Variants in GNPDA1 observed in about 807,000 individuals in gnomAD.
The protein encoded by GNPDA1 is glucosamine-6-phosphate deaminase 1, also known as GNPDA 1.
A neutral mutation model predicts 28.5 loss-of-function variants in GNPDA1; 24 were observed. The ratio of observed to expected loss-of-function variants is 0.84; its 90% CI spans 0.61 to 1.19. GNPDA1 has a LOEUF of 1.19. Ranked by LOEUF, GNPDA1 falls within the 50% of genes most tolerant of loss-of-function variation. The pLI is 0.00. For synonymous variants in GNPDA1, 147 were observed against 139.3 expected (o/e 1.06, Z -0.39); for missense variants, 264 against 367.3 (o/e 0.72, Z 2.30).
chr5:142,003,323 T>G lies in GNPDA1; in HGVS notation c.595-61A>C. 1 of 1,129,784 alleles carries G rather than the reference T, an allele frequency of 8.9e-7. No homozygotes were observed. Among genetic ancestry groups the G allele is most frequent in the Non-Finnish European group, 1.3e-6 (1 of 770,290 alleles). 70.0% of individuals were successfully genotyped at this position (1,129,784 alleles called of 1,614,324 possible). On this transcript the variant is annotated intron_variant, in intron 5 of 6. Transcript: ENST00000311337. The surrounding 1 kb of genome is among the most constrained non-coding windows in gnomAD (Gnocchi z 4.0). ...GCATTCCAGACACCCTAAACAGTTGTAAGGATGATTGTTTTTCATATCACA... is the reference window on the plus strand; with the variant it reads ...GCATTCCAGACACCCTAAACAGTTGGAAGGATGATTGTTTTTCATATCACA...
rs1236573690 is a variant in GNPDA1 at position 142,001,007 on chromosome 5, A to C, written c.*1022T>G. ...GGGTTGTATTTCCTGATGCTCTCAG[A>C]ACATCAGACCACACCATGTGAATTT... On this transcript the variant is annotated 3_prime_UTR_variant, in exon 7 of 7. Transcript: ENST00000311337. The C allele has an allele frequency of 6.6e-6, 1 of 152,420 alleles. No homozygotes were observed. Among genetic ancestry groups the C allele is most frequent in the African/African-American group, 2.4e-5 (1 of 41,450 alleles). 9.4% of individuals were successfully genotyped at this position (152,420 alleles called of 1,614,324 possible).
Position 142,011,853 on chromosome 5 carries a change from C to A in GNPDA1, c.124+59G>T, listed in dbSNP as rs186456180. 2.4e-5 allele frequency: 38 copies of A among 1,595,094 alleles called. No homozygotes were observed. The East Asian group carries it at 8.3e-4, about 35-fold the overall frequency. ...TGGCTGAGTGAGCCGGTGTACCTGG[C>A]CCCTGTTGCCTACTCTCTCCACCCT... On this transcript the variant is annotated intron_variant, in intron 2 of 6. Transcript: ENST00000311337.
rs1237324700 is a variant in GNPDA1 at position 142,006,157 on chromosome 5, C to T, written c.396G>A (p.Glu132=). 1 of 1,612,996 alleles carries T rather than the reference C, an allele frequency of 6.2e-7. No individual in the cohort carries two copies. Among genetic ancestry groups the T allele is most frequent in the Admixed American group, 1.7e-5 (1 of 59,978 alleles). Reference sequence around the variant, plus strand: ...TGTCAAGCTCACCTCCAACAAATAGCTCGATCCCACCTGCAGCCTTGATCT... The same window carrying T: ...TGTCAAGCTCACCTCCAACAAATAGTTCGATCCCACCTGCAGCCTTGATCT... ...EEKIKAAGGI[E]LFVGGIGPDG... The change falls in exon 4 of 7, where the codon GAG becomes GAA. Residue 132 remains glutamate, a synonymous_variant. Transcript: ENST00000311337.
chr5:142,006,404 G>C (rs920212481), intron 3 of GNPDA1, 78 bp from the exon 4 acceptor site: 1 of 1,102,490 alleles, frequency 9.1e-7, no homozygotes, highest in African/African-American at 1.5e-5. Flanking sequence ...AGGACACCAT[G>C]CTGACCTACA....
chr5:142,003,139 C>A lies in GNPDA1; in HGVS notation c.718G>T (p.Asp240Tyr). Residue 240 changes from aspartate (D) to tyrosine (Y), a missense_variant, in exon 6 of 7, where the codon GAC becomes TAC. Physicochemically the swap from Asp to Tyr is radical, Grantham distance 160. Coordinates refer to ENST00000311337, the MANE Select transcript of GNPDA1 (RefSeq NM_005471.5). This position sits in a 1 kb window ranked among gnomAD's most constrained non-coding sequence, Gnocchi z 4.0. ...QQHPRTVFVC[D>Y]EDATLELKVK... ...TTCAGCTCCAAGGTGGCATCCTCGT[C>A]ACACACAAACACGGTGCGGGGATGC... 6.2e-7 allele frequency: 1 copy of A among 1,614,148 alleles called. No homozygotes were observed. Among genetic ancestry groups the A allele is most frequent in the Non-Finnish European group, 8.5e-7 (1 of 1,180,010 alleles).
rs1272793802 is a variant in GNPDA1 at position 142,006,259 on chromosome 5, G to A, written c.294C>T (p.Asp98=). The change falls in exon 4 of 7, where the codon GAC becomes GAT. Residue 98 remains aspartate (D), a synonymous_variant. Coordinates refer to ENST00000311337, the MANE Select transcript of GNPDA1 (RefSeq NM_005471.5). ...GAATGTGGGTGTTTTCTGGGTGGATGTCAATGTGCTTGAAGAAGTTGTTCC... is the reference window on the plus strand; with the variant it reads ...GAATGTGGGTGTTTTCTGGGTGGATATCAATGTGCTTGAAGAAGTTGTTCC... The part of the protein sequence containing the change: ...FMWNNFFKHI[D]IHPENTHILD... 15 of 1,613,862 alleles carry A rather than the reference G, an allele frequency of 9.3e-6. No homozygotes were observed. In the Middle Eastern group the frequency reaches 6.6e-4, roughly 71 times the overall value.
chr5:142,009,743 C>A (rs573269498), intron 2 of GNPDA1, among the ~76,000 whole-genome samples: 1 of 152,250 alleles, frequency 6.6e-6, no homozygotes, highest in African/African-American at 2.4e-5. Context: ...AGTATCTAGC[C>A]AATAAACTCC....
intron 3 of GNPDA1, among the ~76,000 whole-genome samples, chr5:142,007,054 A>G (rs891922064): frequency 6.6e-6 from 1 of 152,152 alleles, no homozygotes; most frequent in Non-Finnish European, 1.5e-5. Context: ...AGACAGTAAA[A>G]TGGTGGTTTC....
intron 2 of GNPDA1, among the ~76,000 whole-genome samples, chr5:142,011,117 T>C (rs982110826): frequency 6.6e-6 from 1 of 151,782 alleles, no homozygotes; most frequent in East Asian, 1.9e-4. Context: ...AGGCTAATTA[T>C]AGCTGCTTTC....
rs529463671 is a variant in GNPDA1 at position 142,002,882 on chromosome 5, C to T, written c.769+206G>A. Reference sequence around the variant, plus strand: ...ACCACATTGCGTTTTCTTTCCTCCTCCTCAGAGCAAACAGATCTCCAGAAA... The same window carrying T: ...ACCACATTGCGTTTTCTTTCCTCCTTCTCAGAGCAAACAGATCTCCAGAAA... On this transcript the variant is annotated intron_variant, in intron 6 of 6. Transcript: ENST00000311337. Among the ~76,000 whole-genome samples the T allele has an allele frequency of 2.6e-5, 4 of 152,328 alleles. No homozygotes were observed. The East Asian group carries it at 7.7e-4, about 29-fold the overall frequency.
rs1755764894 is a variant in GNPDA1 at position 142,004,914 on chromosome 5, G to A, written c.594+18C>T. On this transcript the variant is annotated intron_variant, in intron 5 of 6. Transcript: ENST00000311337. ...ACAAGTCCACCAGCGCAAGCTGGTGGGGCCCTTATGCCCTTACCTCTCTAG... is the reference window on the plus strand; with the variant it reads ...ACAAGTCCACCAGCGCAAGCTGGTGAGGCCCTTATGCCCTTACCTCTCTAG... The A allele has an allele frequency of 6.4e-7, 1 of 1,552,656 alleles. No individual in the cohort carries two copies.
At chr5:142,005,359 C>T in intron 4 of GNPDA1, 1 of 387,182 alleles carries the variant, frequency 2.6e-6, no homozygotes, top group Non-Finnish European at 4.7e-6. Context: ...CTGAGGCACA[C>T]ACAGACATTG....
chr5:142,007,677 T>A, intron 3 of GNPDA1, 122 bp downstream of exon 3: 2 of 682,894 alleles, frequency 2.9e-6, no homozygotes, highest in South Asian at 1.8e-5. Context: ...AGGTAAGTAT[T>A]GATAATTGAG....
In GNPDA1 at chr5:142,001,025, G is replaced by A. The variant is rs1380644505; in HGVS notation, c.*1004C>T. The A allele has an allele frequency of 6.6e-6, 1 of 152,390 alleles. No individual in the cohort carries two copies. Among genetic ancestry groups the A allele is most frequent in the East Asian group, 1.9e-4 (1 of 5,338 alleles). The allele number at this position is 152,390 out of a possible 1,614,324, so 9.4% of individuals were successfully genotyped here. A position where few individuals can be genotyped will look rare whatever the true frequency, so the allele number is the denominator to read the frequency against. On this transcript the variant is annotated 3_prime_UTR_variant, in exon 7 of 7. Coordinates refer to ENST00000311337, the MANE Select transcript of GNPDA1 (RefSeq NM_005471.5). ...CTCTCAGAACATCAGACCACACCAT[G>A]TGAATTTAAGCAGGACTATTTTAAG... is the stretch of plus-strand genomic sequence containing the variant.
chr5:142,006,466 G>C (rs1755807734), intron 3 of GNPDA1, 140 bp from the exon 4 acceptor site: 1 of 616,678 alleles, frequency 1.6e-6, no homozygotes, highest in African/African-American at 1.8e-5. Context: ...CCAGCCCTCT[G>C]ACCCCTAGCC....
chr5:142,001,903 A>G lies in GNPDA1; in HGVS notation c.*126T>C, dbSNP rs1043888132. ...GCTCCCAGCCTCATGGCCAAGAACA[A>G]TAAGTTCACCCACTTATCTGGAGTA... On this transcript the variant is annotated 3_prime_UTR_variant, in exon 7 of 7. Coordinates refer to ENST00000311337, the MANE Select transcript of GNPDA1 (RefSeq NM_005471.5). The G allele has an allele frequency of 8.3e-6, 4 of 481,158 alleles. No individual in the cohort carries two copies. The highest frequency in any genetic ancestry group is 1.5e-5 in the Non-Finnish European group (4 of 271,472). The allele number at this position is 481,158 out of a possible 1,614,324, so 29.8% of individuals were successfully genotyped here.
In GNPDA1 at chr5:142,012,056, A is replaced by AG. The variant is rs769367907; in HGVS notation, c.-6-16dup. 8.2e-6 allele frequency: 13 copies of AG among 1,575,864 alleles called. No homozygotes were observed. Among genetic ancestry groups the AG allele is most frequent in the Non-Finnish European group, 9.6e-6 (11 of 1,149,914 alleles). On this transcript the variant is annotated splice_polypyrimidine_tract_variant and intron_variant, in intron 1 of 6. Coordinates refer to ENST00000311337, the MANE Select transcript of GNPDA1 (RefSeq NM_005471.5). ...TTCATCTTGTCCTGCAGTGGGGGAG[A>AG]GGGGATGACAGAAAGGAATCAATGG...
At chr5:142,012,164 G>C in intron 1 of GNPDA1, 123 bp from the exon 2 acceptor site, 1 of 1,003,438 alleles carries the variant, frequency 1.0e-6, no homozygotes, top group Non-Finnish European at 1.4e-6. Context: ...GTCTGAGCCA[G>C]GAAAAAGGCC....
chr5:142,001,907 G>A lies in GNPDA1; in HGVS notation c.*122C>T, dbSNP rs1307750375. 3 of 489,550 alleles carry A rather than the reference G, an allele frequency of 6.1e-6. No individual in the cohort carries two copies. Among genetic ancestry groups the A allele is most frequent in the African/African-American group, 2.0e-5 (1 of 49,578 alleles). The allele number at this position is 489,550 out of a possible 1,614,324, so 30.3% of individuals were successfully genotyped here. On this transcript the variant is annotated 3_prime_UTR_variant, in exon 7 of 7. Transcript: ENST00000311337. ...CCAGCCTCATGGCCAAGAACAATAAGTTCACCCACTTATCTGGAGTAACCA... is the reference window on the plus strand; with the variant it reads ...CCAGCCTCATGGCCAAGAACAATAAATTCACCCACTTATCTGGAGTAACCA...
Sources: allele counts gnomAD v4.1 joint callset (sites outside exome capture counted in the v4.1 genomes callset), GRCh38; gene constraint gnomAD v4.1.1; non-coding constraint Gnocchi (gnomAD v3.1); transcripts MANE v1.5; gene names NCBI Gene and HGNC (gene_info 2026-07-23, HGNC 2026-07-21).